Variants in SIAE observed in about 807,000 individuals in gnomAD.
The protein encoded by SIAE is sialate O-acetylesterase.
In SIAE, 39 loss-of-function variants were observed where a neutral mutation model predicts 52.6. That is an observed-to-expected ratio of 0.74 (90% CI 0.57 to 0.97). The LOEUF (loss-of-function observed/expected upper bound fraction) is 0.97, where lower values mean the gene tolerates loss of function less well. Ranked by LOEUF, SIAE falls within the 50% of genes least tolerant of loss-of-function variation. The pLI, the probability that SIAE is intolerant of heterozygous loss-of-function variation, is 0.00. For missense variants in SIAE, 592 were observed against 662.1 expected (o/e 0.89, Z 1.16); for synonymous variants, 233 against 241.4 (o/e 0.97, Z 0.32).
chr11:124,669,726 C>G lies in SIAE; in HGVS notation c.68-205G>C. On this transcript the variant is annotated intron_variant, in intron 1 of 9. Coordinates refer to ENST00000263593, the MANE Select transcript of SIAE (RefSeq NM_170601.5). ...CAGTTTCCAACAGTATGCATCATAG[C>G]ACATGATGACCACTAAGGAAAATTC... 1.2e-5 allele frequency: 7 copies of G among 572,858 alleles called. No individual in the cohort carries two copies. The South Asian group carries it at 1.3e-4, about 11-fold the overall frequency. 35.5% of individuals were successfully genotyped at this position (572,858 alleles called of 1,614,324 possible). A position where few individuals can be genotyped will look rare whatever the true frequency, so the allele number is the denominator to read the frequency against.
At chr11:124,658,443 T>C (rs1271822696) in intron 3 of SIAE, among the ~76,000 whole-genome samples, 1 of 152,164 alleles carries the variant, frequency 6.6e-6, no homozygotes, top group East Asian at 1.9e-4. Context: ...TGGATCTTAA[T>C]TTCTCTATTT....
At chr11:124,659,770 A>G (rs1331117623) in intron 3 of SIAE, 1 of 152,132 alleles carries the variant, frequency 6.6e-6, no homozygotes, top group African/African-American at 2.4e-5. Context: ...GATGAAATGA[A>G]GTAGATATGT....
chr11:124,671,713 G>A (rs1943359746), intron 1 of SIAE, among the ~76,000 whole-genome samples: 1 of 152,110 alleles, frequency 6.6e-6, no homozygotes, highest in Admixed American at 6.5e-5. Context: ...AGCAAGGCTG[G>A]TCATTCCTTG....
intron 2 of SIAE, among the ~76,000 whole-genome samples, chr11:124,664,862 C>A (rs1304466368): frequency 6.6e-6 from 1 of 150,542 alleles, no homozygotes; most frequent in Non-Finnish European, 1.5e-5. Flanking sequence ...ATGAAAAAAG[C>A]GCCCCTGTTC....
intron 5 of SIAE, among the ~76,000 whole-genome samples, chr11:124,648,479 GC>G (rs112039895): frequency 6.6e-6 from 1 of 151,254 alleles, no homozygotes; most frequent in African/African-American, 2.5e-5. Context: ...GTGGGGGGGG[GC>G]CAATAAATTT....
chr11:124,650,429 G>T (rs936186169), intron 4 of SIAE, among the ~76,000 whole-genome samples: 1 of 152,168 alleles, frequency 6.6e-6, no homozygotes, highest in Admixed American at 6.5e-5. Flanking sequence ...AACTTAAGAA[G>T]AAATGTGTAT....
In SIAE at chr11:124,636,794, C is replaced by T. The variant is rs991646283; in HGVS notation, c.*157G>A. On this transcript the variant is annotated 3_prime_UTR_variant, in exon 10 of 10. Transcript: ENST00000263593. ...ATTTCAAGTTACCTATAAGCCTGGG[C>T]TCATCAGAATATAGAAACAGCCATG... is the stretch of plus-strand genomic sequence containing the variant. The T allele has an allele frequency of 1.9e-6, 2 of 1,058,170 alleles. No homozygotes were observed. The highest frequency in any genetic ancestry group is 2.8e-6 in the Non-Finnish European group (2 of 703,914). 65.5% of individuals were successfully genotyped at this position (1,058,170 alleles called of 1,614,324 possible).
chr11:124,642,005 G>A lies in SIAE; in HGVS notation c.967-2138C>T, dbSNP rs189973297. Among the ~76,000 whole-genome samples the A allele has an allele frequency of 8.3e-3, 1,232 of 148,580 alleles. 9 individuals carry two copies. The highest frequency in any genetic ancestry group is 0.013 in the Non-Finnish European group (863 of 67,214). The stretch of plus-strand genomic sequence containing the variant: ...AAGAAACCAAAATAAAGGACTTAAC[G>A]CAGAGAGACAGATTAGTTAAGCAGC... On this transcript the variant is annotated intron_variant, in intron 7 of 9. Transcript: ENST00000263593.
At chr11:124,671,253 C>A (rs541721493) in intron 1 of SIAE, among the ~76,000 whole-genome samples, 15 of 152,284 alleles carry the variant, frequency 9.9e-5, no homozygotes, top group East Asian at 3.9e-4. Context: ...GATCAAGTAA[C>A]TGAGACCAAA....
chr11:124,636,874 G>C lies in SIAE; in HGVS notation c.*77C>G. ...TCTATTAATTTCCTTTAAAAGCAATGGTTATTATTGAAACTCCTAAATGCT... is the reference window on the plus strand; with the variant it reads ...TCTATTAATTTCCTTTAAAAGCAATCGTTATTATTGAAACTCCTAAATGCT... On this transcript the variant is annotated 3_prime_UTR_variant, in exon 10 of 10. Transcript: ENST00000263593. 1.3e-6 allele frequency: 2 copies of C among 1,592,546 alleles called. No homozygotes were observed.
chr11:124,635,905 C>A lies in SIAE; in HGVS notation c.*1046G>T, dbSNP rs1942725443. ...AAACTGCATTAAGATTCTTAATAAA[C>A]AAACACTGAAGGCCTCTTTCATATT... On this transcript the variant is annotated 3_prime_UTR_variant, in exon 10 of 10. Coordinates refer to ENST00000263593, the MANE Select transcript of SIAE (RefSeq NM_170601.5). 1 of 152,166 alleles carries A rather than the reference C, an allele frequency of 6.6e-6. No individual in the cohort carries two copies. Among genetic ancestry groups the A allele is most frequent in the Admixed American group, 6.5e-5 (1 of 15,278 alleles). The allele number at this position is 152,166 out of a possible 1,614,324, so 9.4% of individuals were successfully genotyped here.
At position 124,665,582 on chromosome 11, in the gene SIAE, C is replaced by A. The variant is rs117621571; in HGVS notation, c.229+3778G>T. Among the ~76,000 whole-genome samples, 3 of 152,178 alleles carry A rather than the reference C, an allele frequency of 2.0e-5. No individual in the cohort carries two copies. In the South Asian group the frequency reaches 6.2e-4, roughly 31 times the overall value. On this transcript the variant is annotated intron_variant, in intron 2 of 9. Transcript: ENST00000263593. ...AAACCATGACCAGACTTCAGACCCACAGAAATTGTGAGATAGTAAAAGCGT... is the reference window on the plus strand; with the variant it reads ...AAACCATGACCAGACTTCAGACCCAAAGAAATTGTGAGATAGTAAAAGCGT...
chr11:124,662,569 A>G (rs1943203342), intron 2 of SIAE, among the ~76,000 whole-genome samples: 1 of 152,180 alleles, frequency 6.6e-6, no homozygotes, highest in African/African-American at 2.4e-5. Context: ...AACTACCTTC[A>G]CCAGAGGTTC....
intron 7 of SIAE, among the ~76,000 whole-genome samples, chr11:124,643,257 G>A (rs1369500100): frequency 6.6e-6 from 1 of 152,172 alleles, no homozygotes; most frequent in African/African-American, 2.4e-5. Context: ...AGTGTGGCTG[G>A]AGTGGCATAT....
chr11:124,647,931 C>G (rs1161520917), intron 6 of SIAE, 135 bp downstream of exon 6: 22 of 763,106 alleles, frequency 2.9e-5, no homozygotes, highest in Non-Finnish European at 4.3e-5. Context: ...TAAAAACTAC[C>G]CTGCTCACCC....
Position 124,670,198 on chromosome 11 carries a change from T to C in SIAE, c.68-677A>G, listed in dbSNP as rs150969117. Among the ~76,000 whole-genome samples, 1 of 152,282 alleles carries C rather than the reference T, an allele frequency of 6.6e-6. No homozygotes were observed. The highest frequency in any genetic ancestry group is 1.5e-5 in the Non-Finnish European group (1 of 68,002). Reference sequence around the variant, plus strand: ...AATCAAGACACATAAATAAGGTCAGTGAGAGATAGAAGGTCAACATGTCTG... The same window carrying C: ...AATCAAGACACATAAATAAGGTCAGCGAGAGATAGAAGGTCAACATGTCTG... On this transcript the variant is annotated intron_variant, in intron 1 of 9. Coordinates refer to ENST00000263593, the MANE Select transcript of SIAE (RefSeq NM_170601.5). The surrounding 1 kb of genome is among the most constrained non-coding windows in gnomAD (Gnocchi z 4.5).
At chr11:124,655,542 T>C (rs1943086443) in intron 3 of SIAE, among the ~76,000 whole-genome samples, 1 of 152,098 alleles carries the variant, frequency 6.6e-6, no homozygotes, top group African/African-American at 2.4e-5. Context: ...GGGAGGTAGA[T>C]TTGTCTAATC....
Position 124,639,646 on chromosome 11 carries a change from A to G in SIAE, c.1124+64T>C, listed in dbSNP as rs1565407693. On this transcript the variant is annotated intron_variant, in intron 8 of 9. Transcript: ENST00000263593. ...CAGTCTAATTGCCCCTCACCGGTGA[A>G]CATCAGAGTGAAAGACTACAAAGAA... 5.0e-6 allele frequency: 8 copies of G among 1,607,020 alleles called. No homozygotes were observed. In the East Asian group the frequency reaches 1.6e-4, roughly 31 times the overall value.
intron 3 of SIAE, among the ~76,000 whole-genome samples, chr11:124,655,188 TTTG>T (rs1429305192): frequency 4.0e-5 from 6 of 150,456 alleles, no homozygotes; most frequent in African/African-American, 1.5e-4. Flanking sequence ...TTTTTTTTTT[TTTG>T]TGTGTGAGAC....
Sources: allele counts gnomAD v4.1 joint callset (sites outside exome capture counted in the v4.1 genomes callset), GRCh38; gene constraint gnomAD v4.1.1; non-coding constraint Gnocchi (gnomAD v3.1); transcripts MANE v1.5; gene names NCBI Gene and HGNC (gene_info 2026-07-23, HGNC 2026-07-21).